EFCAB8: variants seen among roughly 807,000 people sequenced by gnomAD.
The protein encoded by EFCAB8 is EF-hand calcium-binding domain-containing protein 8.
A neutral mutation model predicts 116.3 loss-of-function variants in EFCAB8; 100 were observed. That is an observed-to-expected ratio of 0.86 (90% CI 0.73 to 1.02). The LOEUF is 1.02. EFCAB8 is among the 50% of genes least tolerant of loss of function. The pLI is 0.00. For synonymous variants in EFCAB8, 558 were observed against 567.9 expected (o/e 0.98, Z 0.25); for missense variants, 1,320 against 1,416.9 (o/e 0.93, Z 1.10).
rs1984297078 is a variant in EFCAB8, at chr20:32,864,638, A to G, written c.42+804A>G. Among the ~76,000 whole-genome samples the G allele has an allele frequency of 2.6e-5, 4 of 152,214 alleles. No homozygotes were observed. In the South Asian group the frequency reaches 8.3e-4, roughly 32 times the overall value. On this transcript the variant is annotated intron_variant, in intron 2 of 26. Transcript: ENST00000400522. ...AAATGCAACACACCCGAGCCCCCTG[A>G]TGTACGGTCTGTACGTGGACTCCAC... is the stretch of plus-strand genomic sequence containing the variant.
chr20:32,909,700 G>A, intron 14 of EFCAB8, 121 bp from the exon 15 acceptor site: 1 of 438,990 alleles, frequency 2.3e-6, no homozygotes. Context: ...GCTGGAATCA[G>A]GCCTGCGTGT....
chr20:32,881,668 C>T (rs1187208324), intron 5 of EFCAB8, among the ~76,000 whole-genome samples: 3 of 152,218 alleles, frequency 2.0e-5, no homozygotes, highest in African/African-American at 4.8e-5. Context: ...GGTTCAGCCA[C>T]TGTGCCTATC....
chr20:32,926,498 T>C (rs1987677708), intron 20 of EFCAB8, among the ~76,000 whole-genome samples: 1 of 143,992 alleles, frequency 6.9e-6, no homozygotes, highest in African/African-American at 2.6e-5. Context: ...CATAATAATC[T>C]ATCCACTTCA....
At chr20:32,893,716 G>A (rs1986027688) in intron 9 of EFCAB8, among the ~76,000 whole-genome samples, 1 of 151,892 alleles carries the variant, frequency 6.6e-6, no homozygotes, top group African/African-American at 2.4e-5. Flanking sequence ...GCCTTTGGGT[G>A]GGCAGGGGCT....
At chr20:32,893,553 G>A (rs1330522289) in intron 9 of EFCAB8, among the ~76,000 whole-genome samples, 1 of 152,166 alleles carries the variant, frequency 6.6e-6, no homozygotes, top group Admixed American at 6.5e-5. Flanking sequence ...GGTGCGGTCT[G>A]GGGGTGCAGG....
intron 26 of EFCAB8, among the ~76,000 whole-genome samples, 153 bp from the exon 27 acceptor site, chr20:32,960,983 C>T (rs370184509): frequency 1.1e-4 from 17 of 152,320 alleles, no homozygotes; most frequent in Middle Eastern, 3.4e-3. Context: ...CCGCAGGCCA[C>T]GGTGGTTAGT....
At chr20:32,918,295 T>G (rs1568929327) in intron 18 of EFCAB8, 67 bp from the exon 19 acceptor site, 1 of 1,485,498 alleles carries the variant, frequency 6.7e-7, no homozygotes, top group African/African-American at 1.4e-5. Flanking sequence ...GGCATTGATC[T>G]GGGGCAGTCC....
At chr20:32,905,056 T>C (rs1035869762) in intron 11 of EFCAB8, among the ~76,000 whole-genome samples, 2 of 152,190 alleles carry the variant, frequency 1.3e-5, no homozygotes, top group African/African-American at 4.8e-5. Flanking sequence ...CTGGCCTTCC[T>C]GGAACTCCTG....
intron 20 of EFCAB8, 88 bp downstream of exon 20, chr20:32,920,303 G>A: frequency 6.7e-7 from 1 of 1,488,642 alleles, no homozygotes; most frequent in East Asian, 2.5e-5. Flanking sequence ...GGGGGCCTGG[G>A]CTCGGGGCCC....
Position 32,938,946 on chromosome 20 carries a change from CCCTT to C in EFCAB8, c.2791-4677_2791-4674del, listed in dbSNP as rs569634950. Among the ~76,000 whole-genome samples the C allele has an allele frequency of 1.6e-3, 230 of 145,766 alleles. 22 individuals are homozygous for C. The highest frequency in any genetic ancestry group is 5.2e-3 in the African/African-American group (203 of 38,982). On this transcript the variant is annotated intron_variant, in intron 22 of 26. Transcript: ENST00000400522. ...CTTTTCTTTTCTTCCTTCCCTCCCTCCCTTCCTTCCTTCCTTTCTTTTTCTTTCT... is the reference window on the plus strand; with the variant it reads ...CTTTTCTTTTCTTCCTTCCCTCCCTCCCTTCCTTCCTTTCTTTTTCTTTCT...
intron 9 of EFCAB8, 84 bp downstream of exon 9, chr20:32,893,382 C>A: frequency 6.6e-7 from 1 of 1,513,400 alleles, no homozygotes; most frequent in Non-Finnish European, 8.9e-7. Flanking sequence ...CCCGAGCCCC[C>A]CACTCCCTGC....
chr20:32,918,243 C>A, intron 18 of EFCAB8, 119 bp from the exon 19 acceptor site: 1 of 1,024,398 alleles, frequency 9.8e-7, no homozygotes, highest in Non-Finnish European at 1.4e-6. Flanking sequence ...GGCTAGGTTT[C>A]TGGGAAGCAA....
At chr20:32,919,969 T>C in intron 19 of EFCAB8, 109 bp from the exon 20 acceptor site, 1 of 1,402,992 alleles carries the variant, frequency 7.1e-7, no homozygotes, top group South Asian at 1.3e-5. Flanking sequence ...GTGTACCTAC[T>C]GCGGGGGCTT....
intron 11 of EFCAB8, among the ~76,000 whole-genome samples, chr20:32,905,182 C>G (rs1323279242): frequency 6.6e-6 from 1 of 152,190 alleles, no homozygotes; most frequent in Non-Finnish European, 1.5e-5. Context: ...AGGTCTGAAT[C>G]CTGACCCCTG....
chr20:32,959,694 A>G, intron 24 of EFCAB8, 84 bp from the exon 25 acceptor site: 1 of 1,013,798 alleles, frequency 9.9e-7, no homozygotes. Context: ...CAGGCCAGGA[A>G]GGGGAGAGGC....
chr20:32,866,145 A>G (rs1187571962), intron 2 of EFCAB8, among the ~76,000 whole-genome samples: 1 of 152,182 alleles, frequency 6.6e-6, no homozygotes, highest in Non-Finnish European at 1.5e-5. Context: ...CGGTGTATCC[A>G]CAGTGCTGTA....
chr20:32,920,420 T>C (rs1987396442), intron 20 of EFCAB8, among the ~76,000 whole-genome samples: 1 of 151,912 alleles, frequency 6.6e-6, no homozygotes, highest in South Asian at 2.1e-4. Context: ...TATTAATTCG[T>C]TTTCATGCAG....
chr20:32,863,849 T>C lies in EFCAB8; in HGVS notation c.42+15T>C, dbSNP rs1568894583. 6 of 1,551,198 alleles carry C rather than the reference T, an allele frequency of 3.9e-6. No homozygotes were observed. In the Admixed American group the frequency reaches 1.2e-4, roughly 30 times the overall value. ...AACTCCAAAAGGTAAGAAAGACAATTATCTGAACTAATAAAGGGTGGGGCA... is the reference window on the plus strand; with the variant it reads ...AACTCCAAAAGGTAAGAAAGACAATCATCTGAACTAATAAAGGGTGGGGCA... On this transcript the variant is annotated intron_variant, in intron 2 of 26. Coordinates refer to ENST00000400522, the MANE Select transcript of EFCAB8 (RefSeq NM_001143967.2).
At chr20:32,893,084 A>G in intron 8 of EFCAB8, 90 bp from the exon 9 acceptor site, 1 of 1,483,826 alleles carries the variant, frequency 6.7e-7, no homozygotes, top group Non-Finnish European at 9.1e-7. Context: ...CAGGTGATTA[A>G]CCTACCTTGG....
Sources: allele counts gnomAD v4.1 joint callset (sites outside exome capture counted in the v4.1 genomes callset), GRCh38; gene constraint gnomAD v4.1.1; transcripts MANE v1.5; gene names NCBI Gene and HGNC (gene_info 2026-07-23, HGNC 2026-07-21).